Variants in DYNC2H1 observed in about 807,000 individuals in gnomAD.
DYNC2H1 encodes the protein dynein cytoplasmic 2 heavy chain 1.
A neutral mutation model predicts 570.0 loss-of-function variants in DYNC2H1; 410 were observed. That is an observed-to-expected ratio of 0.72 (90% CI 0.66 to 0.78). DYNC2H1 has a LOEUF of 0.78. Ranked by LOEUF, DYNC2H1 falls within the 30% of genes least tolerant of loss-of-function variation. DYNC2H1 has a pLI of 0.00. For synonymous variants in DYNC2H1, 1,688 were observed against 1,677.6 expected (o/e 1.01, Z -0.15); for missense variants, 4,865 against 5,046.4 (o/e 0.96, Z 1.09).
chr11:103,415,899 C>T lies in DYNC2H1; in HGVS notation c.12366+16027C>T, dbSNP rs528465253. ...ACAATAGTAAAGACTTGGAACAAAC[C>T]CAAATGTCTATCAATGATAGACTGG... On this transcript the variant is annotated intron_variant, in intron 84 of 88. Transcript: ENST00000375735. 1.1e-3 allele frequency among the ~76,000 whole-genome samples: 168 copies of T among 152,290 alleles called. 1 individual carries two copies. Among genetic ancestry groups the T allele is most frequent in the African/African-American group, 3.5e-3 (145 of 41,556 alleles).
At chr11:103,460,501 G>A (rs1423534240) in intron 87 of DYNC2H1, among the ~76,000 whole-genome samples, 1 of 148,858 alleles carries the variant, frequency 6.7e-6, no homozygotes, top group African/African-American at 2.5e-5. Context: ...GGGGTGGGCT[G>A]CACTGACAGT....
At chr11:103,137,146 G>A (rs1294342275) in intron 17 of DYNC2H1, among the ~76,000 whole-genome samples, 2 of 147,058 alleles carry the variant, frequency 1.4e-5, no homozygotes, top group Admixed American at 6.8e-5. Context: ...AGATGAGTAG[G>A]TTGCAAAAAT....
In DYNC2H1 at chr11:103,166,337, T is replaced by C. The variant is rs11225576; in HGVS notation, c.4762+289T>C. On this transcript the variant is annotated intron_variant, in intron 31 of 88. Transcript: ENST00000375735. ...CTGAAAACTCCATGAGATTATGTTA[T>C]AAATTTTGCTTTTAACCATCAAAGT... Among the ~76,000 whole-genome samples the C allele has an allele frequency of 0.11, 16,158 of 152,132 alleles. 1,013 individuals carry two copies. The highest frequency in any genetic ancestry group is 0.22 in the East Asian group (1,123 of 5,178).
intron 39 of DYNC2H1, among the ~76,000 whole-genome samples, chr11:103,180,265 A>G (rs964063954): frequency 1.3e-5 from 2 of 151,666 alleles, no homozygotes; most frequent in African/African-American, 2.4e-5. Flanking sequence ...TATTATATAT[A>G]TGGTATTAAA....
intron 18 of DYNC2H1, among the ~76,000 whole-genome samples, chr11:103,144,649 T>G (rs530586519): frequency 6.6e-6 from 1 of 152,218 alleles, no homozygotes; most frequent in South Asian, 2.1e-4. Context: ...CCTGGAAAGG[T>G]GTAGATAAGG....
chr11:103,110,263 C>T (rs1858048044), intron 1 of DYNC2H1, among the ~76,000 whole-genome samples: 1 of 152,104 alleles, frequency 6.6e-6, no homozygotes, highest in Non-Finnish European at 1.5e-5. Context: ...TCAAGTGATC[C>T]GGCCTCCCAA....
In DYNC2H1 at chr11:103,444,521, G is replaced by A. The variant is rs185817887; in HGVS notation, c.12456+8489G>A. Among the ~76,000 whole-genome samples, 697 of 152,200 alleles carry A rather than the reference G, an allele frequency of 4.6e-3. 2 individuals carry two copies. Among genetic ancestry groups the A allele is most frequent in the Non-Finnish European group, 8.0e-3 (546 of 67,976 alleles). ...AAGCATCTGTTTGTTAAGCCTACCA[G>A]AAGGTAAAAGGCAAATAACAGATCC... On this transcript the variant is annotated intron_variant, in intron 85 of 88. Coordinates refer to ENST00000375735, the MANE Select transcript of DYNC2H1 (RefSeq NM_001377.3).
Position 103,215,869 on chromosome 11 carries a change from G to C in DYNC2H1, c.8832+11G>C, listed in dbSNP as rs767948271. 5 of 1,606,360 alleles carry C rather than the reference G, an allele frequency of 3.1e-6. No homozygotes were observed. Among genetic ancestry groups the C allele is most frequent in the South Asian group, 2.2e-5 (2 of 89,294 alleles). On this transcript the variant is annotated intron_variant, in intron 55 of 88. Transcript: ENST00000375735. ...ACAGTGTCAATGCAGGTAATGTTTA[G>C]AGTGACCACAAAAATGAAAACAATA...
intron 2 of DYNC2H1, 130 bp downstream of exon 2, chr11:103,113,837 CT>C (rs1858237484): frequency 4.6e-6 from 4 of 874,090 alleles, no homozygotes; most frequent in Middle Eastern, 3.8e-4. Flanking sequence ...CTTTTCTTAA[CT>C]TTTTTTAACT....
intron 82 of DYNC2H1, among the ~76,000 whole-genome samples, chr11:103,343,487 C>G (rs1389960260): frequency 2.0e-5 from 3 of 152,074 alleles, no homozygotes; most frequent in African/African-American, 7.2e-5. Context: ...TAATTTTTGC[C>G]CAAAGCCCCA....
At chr11:103,471,154 C>T (rs1200564884) in intron 88 of DYNC2H1, among the ~76,000 whole-genome samples, 1 of 152,156 alleles carries the variant, frequency 6.6e-6, no homozygotes, top group Non-Finnish European at 1.5e-5. Context: ...ATTTGCATTT[C>T]TCTGATGGCC....
chr11:103,324,184 T>C lies in DYNC2H1; in HGVS notation c.12039+194T>C, dbSNP rs1377114045. 1.3e-5 allele frequency among the ~76,000 whole-genome samples: 2 copies of C among 152,192 alleles called. No homozygotes were observed. Among genetic ancestry groups the C allele is most frequent in the Non-Finnish European group, 2.9e-5 (2 of 68,028 alleles). On this transcript the variant is annotated intron_variant, in intron 82 of 88. Coordinates refer to ENST00000375735, the MANE Select transcript of DYNC2H1 (RefSeq NM_001377.3). This position sits in a 1 kb window ranked among gnomAD's most constrained non-coding sequence, Gnocchi z 5.2. ...CTGATTTTTTTTCTTTTTAAACTTTTATTTTAGACTCAGGGGAAATGTGCA... is the reference window on the plus strand; with the variant it reads ...CTGATTTTTTTTCTTTTTAAACTTTCATTTTAGACTCAGGGGAAATGTGCA...
At chr11:103,421,601 A>G (rs1943491622) in intron 84 of DYNC2H1, among the ~76,000 whole-genome samples, 1 of 152,206 alleles carries the variant, frequency 6.6e-6, no homozygotes, top group South Asian at 2.1e-4. Flanking sequence ...TTGCTCCTGA[A>G]TGACTCTTGG....
chr11:103,356,629 C>T (rs1940357028), intron 82 of DYNC2H1, among the ~76,000 whole-genome samples: 1 of 152,138 alleles, frequency 6.6e-6, no homozygotes, highest in African/African-American at 2.4e-5. Context: ...TGTAGCAAAG[C>T]TGATAAATTA....
Position 103,261,869 on chromosome 11 carries a change from A to C in DYNC2H1, c.10695+1892A>C, listed in dbSNP as rs1201088438. Among the ~76,000 whole-genome samples, 1 of 152,182 alleles carries C rather than the reference A, an allele frequency of 6.6e-6. No homozygotes were observed. Among genetic ancestry groups the C allele is most frequent in the Non-Finnish European group, 1.5e-5 (1 of 68,040 alleles). On this transcript the variant is annotated intron_variant, in intron 70 of 88. Transcript: ENST00000375735. This position sits in a 1 kb window ranked among gnomAD's most constrained non-coding sequence, Gnocchi z 4.8. ...ATGAGTTTGATGAACTGACAGAAGTAGGCTTCAGAAGGTGGGTAATAACAG... is the reference window on the plus strand; with the variant it reads ...ATGAGTTTGATGAACTGACAGAAGTCGGCTTCAGAAGGTGGGTAATAACAG...
intron 83 of DYNC2H1, among the ~76,000 whole-genome samples, chr11:103,396,028 T>TA (rs1287667565): frequency 1.3e-5 from 2 of 152,224 alleles, no homozygotes; most frequent in African/African-American, 4.8e-5. Context: ...AGTCTTTTGT[T>TA]ATCTTTATCT....
chr11:103,173,154 A>C lies in DYNC2H1; in HGVS notation c.5407A>C (p.Lys1803Gln). Residue 1803 changes from lysine to glutamine, a missense_variant, in exon 35 of 89, where the codon AAA becomes CAA. Coordinates refer to ENST00000375735, the MANE Select transcript of DYNC2H1 (RefSeq NM_001377.3). ...PAGKGYGGRQ[K>Q]LPDNLKQLFR... is the part of the protein sequence containing the mutation. ...TGGAAAAGGTTATGGAGGAAGACAAAAACTGCCTGATAATCTTAAACAGCT... is the reference window on the plus strand; with the variant it reads ...TGGAAAAGGTTATGGAGGAAGACAACAACTGCCTGATAATCTTAAACAGCT... 1.3e-6 allele frequency: 2 copies of C among 1,563,022 alleles called. No homozygotes were observed. The highest frequency in any genetic ancestry group is 1.7e-6 in the Non-Finnish European group (2 of 1,154,872).
chr11:103,441,349 C>A (rs1033403688), intron 85 of DYNC2H1, among the ~76,000 whole-genome samples: 1 of 149,800 alleles, frequency 6.7e-6, no homozygotes, highest in African/African-American at 2.5e-5. Context: ...TCGAATGTAA[C>A]CCCCGCACTC....
Position 103,113,654 on chromosome 11 carries a change from A to G in DYNC2H1, c.313A>G (p.Ile105Val), listed in dbSNP as rs765216105. Reference protein sequence around the residue: ...ILVSSMLESPISSLYQAVRQV... With the variant: ...ILVSSMLESPVSSLYQAVRQV... ...TGTTTCATCTATGTTAGAGTCACCT[A>G]TTAGTTCTCTTTACCAAGCAGTACG... The change falls in exon 2 of 89, where the codon ATT becomes GTT. Residue 105 changes from isoleucine to valine, a missense_variant. Ile to Val is a conservative substitution (Grantham distance 29). Coordinates refer to ENST00000375735, the MANE Select transcript of DYNC2H1 (RefSeq NM_001377.3). 3 of 1,573,094 alleles carry G rather than the reference A, an allele frequency of 1.9e-6. No individual in the cohort carries two copies. Among genetic ancestry groups the G allele is most frequent in the African/African-American group, 2.8e-5 (2 of 72,338 alleles).
Sources: allele counts gnomAD v4.1 joint callset (sites outside exome capture counted in the v4.1 genomes callset), GRCh38; gene constraint gnomAD v4.1.1; non-coding constraint Gnocchi (gnomAD v3.1); transcripts MANE v1.5; gene names NCBI Gene and HGNC (gene_info 2026-07-23, HGNC 2026-07-21).